PRKCA: variants seen among roughly 807,000 people sequenced by gnomAD.
The protein encoded by PRKCA is protein kinase C alpha type.
Under a neutral mutation model 87.0 loss-of-function variants are expected in PRKCA, and 27 were observed. The observed-to-expected ratio is 0.31, with a 90% CI of 0.23 to 0.43. The LOEUF is 0.43. Ranked by LOEUF, PRKCA falls within the 20% of genes least tolerant of loss-of-function variation. The pLI is 1.00. For missense variants in PRKCA, 518 were observed against 852.3 expected (o/e 0.61, Z 4.88); for synonymous variants, 329 against 311.1 (o/e 1.06, Z -0.61).
At position 66,792,384 on chromosome 17, in the gene PRKCA, T is replaced by C. The variant is rs528896699; in HGVS notation, c.1854+3405T>C. 2.0e-5 allele frequency among the ~76,000 whole-genome samples: 3 copies of C among 152,360 alleles called. No individual in the cohort carries two copies. Among genetic ancestry groups the C allele is most frequent in the African/African-American group, 7.2e-5 (3 of 41,570 alleles). Reference sequence around the variant, plus strand: ...TTTGTTTTATTAATTTTTAAATTTTTTGAACCTCCAATGAAAGAGTCTTCC... The same window carrying C: ...TTTGTTTTATTAATTTTTAAATTTTCTGAACCTCCAATGAAAGAGTCTTCC... On this transcript the variant is annotated intron_variant, in intron 16 of 16. Coordinates refer to ENST00000413366, the MANE Select transcript of PRKCA (RefSeq NM_002737.3). This position sits in a 1 kb window ranked among gnomAD's most constrained non-coding sequence, Gnocchi z 4.5.
At chr17:66,541,032 C>G (rs1967969787) in intron 3 of PRKCA, among the ~76,000 whole-genome samples, 1 of 152,110 alleles carries the variant, frequency 6.6e-6, no homozygotes, top group African/African-American at 2.4e-5. Context: ...GCTGTTTCCA[C>G]TGGTATTCTC....
intron 2 of PRKCA, among the ~76,000 whole-genome samples, chr17:66,400,220 C>T (rs571510807): frequency 1.3e-5 from 2 of 152,294 alleles, no homozygotes; most frequent in African/African-American, 2.4e-5. Flanking sequence ...GGCACAGTCT[C>T]GGCTCACTGC....
intron 3 of PRKCA, among the ~76,000 whole-genome samples, chr17:66,563,407 A>G (rs1415248721): frequency 1.3e-5 from 2 of 152,146 alleles, no homozygotes; most frequent in Non-Finnish European, 2.9e-5. Context: ...AATGTCATAT[A>G]GTTGAAGTCA....
In PRKCA at chr17:66,432,886, T is replaced by G. The variant is rs573313122; in HGVS notation, c.206-63315T>G. 6.6e-5 allele frequency among the ~76,000 whole-genome samples: 10 copies of G among 152,282 alleles called. No individual in the cohort carries two copies. In the South Asian group the frequency reaches 2.1e-3, roughly 32 times the overall value. ...TTGGAGCAAAAGTAATTGTGGTTTT[T>G]GCTATTTTTTTAATGGGAAAAACTG... On this transcript the variant is annotated intron_variant, in intron 2 of 16. Coordinates refer to ENST00000413366, the MANE Select transcript of PRKCA (RefSeq NM_002737.3).
intron 2 of PRKCA, among the ~76,000 whole-genome samples, chr17:66,342,784 C>T (rs977550979): frequency 1.3e-5 from 2 of 152,260 alleles, no homozygotes; most frequent in Admixed American, 6.5e-5. Context: ...TTCACCATCT[C>T]TTAATCTGAA....
At chr17:66,377,609 T>TAA (rs938767706) in intron 2 of PRKCA, among the ~76,000 whole-genome samples, 15 of 145,548 alleles carry the variant, frequency 1.0e-4, no homozygotes, top group African/African-American at 1.7e-4. Flanking sequence ...TTTATATATA[T>TAA]AATGTCTATA....
intron 3 of PRKCA, chr17:66,554,593 C>T: frequency 1.1e-6 from 1 of 911,990 alleles, no homozygotes; most frequent in Non-Finnish European, 1.3e-6. Context: ...AGGTGGGTGA[C>T]CTGTTAATTT....
At chr17:66,346,075 C>G (rs1907338961) in intron 2 of PRKCA, among the ~76,000 whole-genome samples, 1 of 150,870 alleles carries the variant, frequency 6.6e-6, no homozygotes, top group Non-Finnish European at 1.5e-5. Context: ...AAAAGATAAG[C>G]TATTGCGTTA....
rs541166286 is a variant in PRKCA, at chr17:66,592,529, C to T, written c.289-48826C>T. ...TTCCTCCTTTGTTCTTGTTTTTCGC[C>T]GGTGCGTCCAAGGAATCACAGACTT... On this transcript the variant is annotated intron_variant, in intron 3 of 16. Transcript: ENST00000413366. Among the ~76,000 whole-genome samples the T allele has an allele frequency of 2.6e-5, 4 of 152,092 alleles. No homozygotes were observed. The East Asian group carries it at 7.7e-4, about 29-fold the overall frequency.
At chr17:66,769,661 C>G (rs1322359053) in intron 13 of PRKCA, among the ~76,000 whole-genome samples, 2 of 152,128 alleles carry the variant, frequency 1.3e-5, no homozygotes, top group African/African-American at 4.8e-5. Flanking sequence ...ATTTGCAGCT[C>G]TACAAAGACT....
intron 2 of PRKCA, among the ~76,000 whole-genome samples, chr17:66,489,372 T>C (rs1473171571): frequency 9.8e-6 from 1 of 101,896 alleles, no homozygotes; most frequent in Non-Finnish European, 2.2e-5. Flanking sequence ...TATATATATA[T>C]ATATATATAT....
chr17:66,523,732 G>T (rs1967248618), intron 3 of PRKCA, among the ~76,000 whole-genome samples: 1 of 152,134 alleles, frequency 6.6e-6, no homozygotes, highest in African/African-American at 2.4e-5. Context: ...ATGAAGCTCA[G>T]ATTGCCGGAA....
chr17:66,385,494 C>G (rs929804808), intron 2 of PRKCA, among the ~76,000 whole-genome samples: 2 of 152,112 alleles, frequency 1.3e-5, no homozygotes, highest in Admixed American at 6.5e-5. Flanking sequence ...AATACAAAGC[C>G]CATGATTCTG....
At chr17:66,306,270 C>A in intron 2 of PRKCA, 143 bp downstream of exon 2, 1 of 830,412 alleles carries the variant, frequency 1.2e-6, no homozygotes, top group Non-Finnish European at 1.8e-6. Flanking sequence ...TAAATTTGGG[C>A]CTTAAAAAAT....
At chr17:66,718,766 C>G (rs2144151601) in intron 8 of PRKCA, among the ~76,000 whole-genome samples, 2 of 152,342 alleles carry the variant, frequency 1.3e-5, no homozygotes, top group East Asian at 1.9e-4. Context: ...GAGACACATT[C>G]AAACCATAGC....
chr17:66,480,733 A>G (rs1335072269), intron 2 of PRKCA, among the ~76,000 whole-genome samples: 3 of 152,080 alleles, frequency 2.0e-5, no homozygotes, highest in African/African-American at 7.2e-5. Flanking sequence ...AACATTAAAT[A>G]TGAAATGCTT....
intron 15 of PRKCA, among the ~76,000 whole-genome samples, chr17:66,787,501 C>G (rs941562011): frequency 2.0e-5 from 3 of 152,184 alleles, no homozygotes; most frequent in Non-Finnish European, 4.4e-5. Flanking sequence ...AAAGTATGTG[C>G]TCTCGTCTCC....
chr17:66,645,584 G>A (rs532248051), intron 5 of PRKCA, 73 bp downstream of exon 5: 54 of 1,588,038 alleles, frequency 3.4e-5, no homozygotes, highest in Non-Finnish European at 2.4e-5. Context: ...ATTAAGGCAG[G>A]GTGGGGGCTG....
chr17:66,391,603 G>A (rs1910361126), intron 2 of PRKCA, among the ~76,000 whole-genome samples: 1 of 152,122 alleles, frequency 6.6e-6, no homozygotes, highest in African/African-American at 2.4e-5. Flanking sequence ...TCACTTAGTA[G>A]CCAAAACCAA....
Sources: allele counts gnomAD v4.1 joint callset (sites outside exome capture counted in the v4.1 genomes callset), GRCh38; gene constraint gnomAD v4.1.1; non-coding constraint Gnocchi (gnomAD v3.1); transcripts MANE v1.5; gene names NCBI Gene and HGNC (gene_info 2026-07-23, HGNC 2026-07-21).